Variants in UTRN observed in about 807,000 individuals in gnomAD.
UTRN encodes the protein utrophin, also known as dystrophin-related protein 1.
Under a neutral mutation model 463.9 loss-of-function variants are expected in UTRN, and 283 were observed. The observed-to-expected ratio is 0.61, with a 90% CI of 0.55 to 0.67. The LOEUF (loss-of-function observed/expected upper bound fraction) is 0.67, where lower values mean the gene tolerates loss of function less well. Among genes scored for constraint, UTRN ranks in the 30% least tolerant of loss-of-function variants. The pLI, the probability that UTRN is intolerant of heterozygous loss-of-function variation, is 0.00. For missense variants in UTRN, 3,922 were observed against 4,084.3 expected, an observed-to-expected ratio of 0.96 and a Z score of 1.08; for synonymous variants, 1,442 against 1,431.5, an observed-to-expected ratio of 1.01 and a Z score of -0.17.
At chr6:144,713,173 G>A (rs1476068650) in intron 53 of UTRN, among the ~76,000 whole-genome samples, 1 of 152,140 alleles carries the variant, frequency 6.6e-6, no homozygotes, top group East Asian at 1.9e-4. Context: ...GCTCCTAAGA[G>A]CATTTCCTTT....
chr6:144,785,902 A>G (rs1776252881), intron 61 of UTRN, among the ~76,000 whole-genome samples: 1 of 152,244 alleles, frequency 6.6e-6, no homozygotes, highest in Non-Finnish European at 1.5e-5. Flanking sequence ...TTTAATGGAA[A>G]TCAAAAGTGT....
intron 58 of UTRN, among the ~76,000 whole-genome samples, chr6:144,766,550 G>A (rs913611802): frequency 2.0e-5 from 3 of 151,934 alleles, no homozygotes; most frequent in African/African-American, 4.8e-5. Context: ...AGTGTTTGTC[G>A]TCTCTTATTT....
intron 2 of UTRN, among the ~76,000 whole-genome samples, chr6:144,327,760 TG>T (rs923947565): frequency 6.6e-6 from 1 of 151,954 alleles, no homozygotes; most frequent in African/African-American, 2.4e-5. Context: ...CTGGCCAACA[TG>T]GCAAAACCCC....
At chr6:144,674,174 A>G (rs1781350945) in intron 51 of UTRN, among the ~76,000 whole-genome samples, 1 of 151,060 alleles carries the variant, frequency 6.6e-6, no homozygotes, top group Admixed American at 6.6e-5. Context: ...AGCTTCTTGT[A>G]TTTGGATGTC....
intron 51 of UTRN, among the ~76,000 whole-genome samples, chr6:144,654,833 G>T (rs953078910): frequency 6.6e-6 from 1 of 152,132 alleles, no homozygotes. Flanking sequence ...TATTTAGAAG[G>T]TTGCTGAAGG....
At chr6:144,500,785 G>A (rs1176826344) in intron 34 of UTRN, among the ~76,000 whole-genome samples, 1 of 152,202 alleles carries the variant, frequency 6.6e-6, no homozygotes. Flanking sequence ...TTAGAAAGTT[G>A]ATTTGCTGGT....
chr6:144,615,053 A>T (rs994851228), intron 51 of UTRN, among the ~76,000 whole-genome samples: 2 of 152,186 alleles, frequency 1.3e-5, no homozygotes, highest in African/African-American at 4.8e-5. Flanking sequence ...GAGATACAGA[A>T]AAGATGCTAA....
chr6:144,578,326 G>A (rs916949140), intron 51 of UTRN, among the ~76,000 whole-genome samples: 1 of 152,100 alleles, frequency 6.6e-6, no homozygotes, highest in African/African-American at 2.4e-5. Context: ...TATTTCTGAT[G>A]TACCTGTGAA....
intron 30 of UTRN, 102 bp downstream of exon 30, chr6:144,488,936 A>T: frequency 1.7e-6 from 2 of 1,170,336 alleles, no homozygotes; most frequent in Non-Finnish European, 2.3e-6. Context: ...ACCGAGAGTC[A>T]ATGGGAAAGA....
At chr6:144,314,694 A>G (rs1775170648) in intron 2 of UTRN, among the ~76,000 whole-genome samples, 1 of 152,188 alleles carries the variant, frequency 6.6e-6, no homozygotes, top group South Asian at 2.1e-4. Context: ...AAAATGTATG[A>G]ATATTTACAC....
At chr6:144,499,152 G>GT in intron 33 of UTRN, 105 bp from the exon 34 acceptor site, 1 of 1,236,524 alleles carries the variant, frequency 8.1e-7, no homozygotes, top group Non-Finnish European at 1.1e-6. Context: ...TGTCTTGGGG[G>GT]TTATATATGA....
intron 2 of UTRN, among the ~76,000 whole-genome samples, chr6:144,354,638 C>T (rs1404562808): frequency 6.6e-6 from 1 of 152,136 alleles, no homozygotes; most frequent in Admixed American, 6.5e-5. Flanking sequence ...GGATGCCGGG[C>T]CTGTCCTCAT....
chr6:144,498,483 A>C (rs1161474093), intron 33 of UTRN, among the ~76,000 whole-genome samples: 1 of 152,174 alleles, frequency 6.6e-6, no homozygotes, highest in Non-Finnish European at 1.5e-5. Flanking sequence ...TAATTATAAA[A>C]CATATAATTG....
intron 51 of UTRN, among the ~76,000 whole-genome samples, chr6:144,671,454 A>G (rs992597816): frequency 1.3e-5 from 2 of 152,126 alleles, no homozygotes; most frequent in East Asian, 3.9e-4. Context: ...CTGTTGGTGT[A>G]TAGCTGTGCT....
chr6:144,513,763 C>T, intron 35 of UTRN, 146 bp from the exon 36 acceptor site: 1 of 817,612 alleles, frequency 1.2e-6, no homozygotes, highest in African/African-American at 1.7e-5. Context: ...GAGTTATTCA[C>T]TGAAGAAGAG....
intron 25 of UTRN, among the ~76,000 whole-genome samples, chr6:144,477,899 C>CTATG (rs1791413056): frequency 1.3e-5 from 2 of 152,060 alleles, no homozygotes; most frequent in Non-Finnish European, 2.9e-5. Context: ...ATCTATCTAT[C>CTATG]TATCTATCTA....
intron 53 of UTRN, among the ~76,000 whole-genome samples, chr6:144,717,418 T>C (rs993666552): frequency 1.6e-4 from 25 of 152,210 alleles, no homozygotes; most frequent in Non-Finnish European, 3.1e-4. Flanking sequence ...TGATGTCATC[T>C]AGCTGACCAT....
chr6:144,380,479 C>A (rs1174981347), intron 2 of UTRN, among the ~76,000 whole-genome samples: 1 of 151,954 alleles, frequency 6.6e-6, no homozygotes, highest in Non-Finnish European at 1.5e-5. Flanking sequence ...TATCCCCTCC[C>A]AAAATAAAGA....
Position 144,793,964 on chromosome 6 carries a change from G to A in UTRN, c.9051G>A (p.Glu3017=), listed in dbSNP as rs1776988738. 1.2e-6 allele frequency: 2 copies of A among 1,614,030 alleles called. No individual in the cohort carries two copies. Among genetic ancestry groups the A allele is most frequent in the South Asian group, 1.1e-5 (1 of 91,076 alleles). Residue 3017 remains glutamate (E), a synonymous_variant, in exon 63 of 75, where the codon GAG becomes GAA. Coordinates refer to ENST00000367545, the MANE Select transcript of UTRN (RefSeq NM_007124.3). ...CAGCTTTTGGAGGCAGTAATATTGAGCCTAGTGTTCGCAGCTGCTTCCAAC... is the reference window on the plus strand; with the variant it reads ...CAGCTTTTGGAGGCAGTAATATTGAACCTAGTGTTCGCAGCTGCTTCCAAC... ...EVAAFGGSNI[E]PSVRSCFQQN... is the part of the protein sequence containing the mutation.
Sources: gnomAD v4.1 joint callset for allele counts (sites outside exome capture counted in the v4.1 genomes callset) on GRCh38, gnomAD v4.1.1 for gene constraint, MANE v1.5 for transcripts, NCBI Gene and HGNC (gene_info 2026-07-23, HGNC 2026-07-21) for gene names.